The following CRYBG3 variants were observed in gnomAD, a reference collection of about 807,000 sequenced individuals.
CRYBG3 encodes the protein crystallin beta-gamma domain containing 3.
CRYBG3 carries 127 observed loss-of-function variants against 244.2 expected under a neutral mutation model. That is an observed-to-expected ratio of 0.52 (90% CI 0.45 to 0.60). The LOEUF (loss-of-function observed/expected upper bound fraction) is 0.60. CRYBG3 is among the 20% of genes least tolerant of loss of function. The pLI, the probability that CRYBG3 is intolerant of heterozygous loss-of-function variation, is 0.00. For synonymous variants in CRYBG3, 1,132 were observed against 1,195.8 expected, an observed-to-expected ratio of 0.95 and a Z score of 1.10; for missense variants, 3,325 against 3,442.5, an observed-to-expected ratio of 0.97 and a Z score of 0.85.
At position 97,864,478 on chromosome 3, in the gene CRYBG3, A is replaced by C. The variant is rs563754232; in HGVS notation, c.478A>C (p.Ser160Arg). 6.5e-7 allele frequency: 1 copy of C among 1,536,036 alleles called. No homozygotes were observed. Among genetic ancestry groups the C allele is most frequent in the Non-Finnish European group, 8.7e-7 (1 of 1,146,828 alleles). ...DKTEKDLQNP[S>R]DHHEDGIKRE... ...AACTGAGAAGGATTTACAAAATCCC[A>C]GTGACCATCATGAAGACGGGATCAA... Residue 160 changes from serine (S) to arginine (R), a missense_variant, in exon 3 of 22, where the codon AGT becomes CGT. Around this residue, in one of 4 missense-constraint regions of CRYBG3, gnomAD observed 1,526 missense variants for 1,443.2 expected, o/e 1.06. Transcript: ENST00000389622.
intron 1 of CRYBG3, among the ~76,000 whole-genome samples, chr3:97,826,377 C>G (rs573175186): frequency 6.6e-6 from 1 of 152,316 alleles, no homozygotes; most frequent in African/African-American, 2.4e-5. Context: ...ATCAGAACTT[C>G]TAACTTTATT....
rs181506447 is a variant in CRYBG3 at position 97,828,236 on chromosome 3, A to C, written c.149+5881A>C. Among the ~76,000 whole-genome samples, 19 of 152,276 alleles carry C rather than the reference A, an allele frequency of 1.2e-4. No individual in the cohort carries two copies. The East Asian group carries it at 3.5e-3, about 28-fold the overall frequency. On this transcript the variant is annotated intron_variant, in intron 1 of 21. Transcript: ENST00000389622. ...TAAATTGATACACCACTTTGGAGAG[A>C]AATTTGATATGACCTATCAATATTG...
chr3:97,902,501 A>T (rs921819556), intron 15 of CRYBG3, among the ~76,000 whole-genome samples: 150 of 151,826 alleles, frequency 9.9e-4, no homozygotes, highest in Admixed American at 2.8e-3. Context: ...TTCTAAAAAA[A>T]AAAAGCGGGA....
intron 17 of CRYBG3, among the ~76,000 whole-genome samples, chr3:97,928,390 A>C (rs2040062601): frequency 6.6e-6 from 1 of 151,940 alleles, no homozygotes; most frequent in Non-Finnish European, 1.5e-5. Context: ...AACAATAAAC[A>C]CCAGGGCCTG....
chr3:97,929,524 A>G (rs1385077497), intron 17 of CRYBG3, among the ~76,000 whole-genome samples: 1 of 151,986 alleles, frequency 6.6e-6, no homozygotes, highest in Non-Finnish European at 1.5e-5. Context: ...TTATAATTCA[A>G]GTATACTTAT....
chr3:97,899,477 C>T (rs891108734), intron 14 of CRYBG3, among the ~76,000 whole-genome samples: 3 of 152,302 alleles, frequency 2.0e-5, no homozygotes, highest in African/African-American at 7.2e-5. Context: ...AGTTCATTCA[C>T]TTAACAGCAT....
rs897842609 is a variant in CRYBG3 at position 97,931,762 on chromosome 3, T to G, written c.8242-1932T>G. On this transcript the variant is annotated intron_variant, in intron 17 of 21. Transcript: ENST00000389622. ...TTCCATTTGTTTGCCTTAACTAGCATGTCTGTTTTATCACTGTGATATTAA... is the reference window on the plus strand; with the variant it reads ...TTCCATTTGTTTGCCTTAACTAGCAGGTCTGTTTTATCACTGTGATATTAA... 2.0e-5 allele frequency among the ~76,000 whole-genome samples: 3 copies of G among 152,092 alleles called. No individual in the cohort carries two copies. The East Asian group carries it at 5.8e-4, about 29-fold the overall frequency.
Position 97,933,778 on chromosome 3 carries a change from G to C in CRYBG3, c.8326G>C (p.Val2776Leu). The change falls in exon 18 of 22, where the codon GTT becomes CTT. Residue 2776 changes from valine to leucine, a missense_variant. Coordinates refer to ENST00000389622, the MANE Select transcript of CRYBG3 (RefSeq NM_153605.4). ...ELHLEEAVNS[V>L]LNKDLHFYTQ... Reference sequence around the variant, plus strand: ...ACATCTAGAAGAGGCTGTGAACTCTGTTCTGAACAAGGACCTACACTTCTA... The same window carrying C: ...ACATCTAGAAGAGGCTGTGAACTCTCTTCTGAACAAGGACCTACACTTCTA... The C allele has an allele frequency of 6.2e-7, 1 of 1,612,822 alleles. No homozygotes were observed. Among genetic ancestry groups the C allele is most frequent in the East Asian group, 2.2e-5 (1 of 44,836 alleles).
Position 97,933,816 on chromosome 3 carries a change from G to A in CRYBG3, c.8364G>A (p.Val2788=), listed in dbSNP as rs1295029219. 2 of 1,612,274 alleles carry A rather than the reference G, an allele frequency of 1.2e-6. No homozygotes were observed. Among genetic ancestry groups the A allele is most frequent in the South Asian group, 2.2e-5 (2 of 90,978 alleles). Residue 2788 remains valine, a synonymous_variant, in exon 18 of 22, where the codon GTG becomes GTA. Transcript: ENST00000389622. The part of the protein sequence containing the change: ...NKDLHFYTQS[V]WVKSGLWIAY... ...ACCTACACTTCTACACCCAGTCTGTGTGGGTAAAAAGTGGACTGTAAGTAT... is the reference window on the plus strand; with the variant it reads ...ACCTACACTTCTACACCCAGTCTGTATGGGTAAAAAGTGGACTGTAAGTAT...
At chr3:97,915,497 G>A (rs2039918538) in intron 16 of CRYBG3, 113 bp from the exon 17 acceptor site, 1 of 1,078,470 alleles carries the variant, frequency 9.3e-7, no homozygotes, top group South Asian at 2.0e-5. Flanking sequence ...GTGTGGTGGT[G>A]CTCTGCACCA....
chr3:97,830,458 C>T (rs1348432426), intron 1 of CRYBG3, among the ~76,000 whole-genome samples: 2 of 151,974 alleles, frequency 1.3e-5, no homozygotes, highest in East Asian at 1.9e-4. Context: ...TTGGACTTCA[C>T]GTATTCCTCT....
At chr3:97,926,841 TC>T (rs1239142473) in intron 17 of CRYBG3, among the ~76,000 whole-genome samples, 1 of 151,850 alleles carries the variant, frequency 6.6e-6, no homozygotes, top group African/African-American at 2.4e-5. Flanking sequence ...GAATAAAATA[TC>T]TAGATATACA....
intron 17 of CRYBG3, among the ~76,000 whole-genome samples, chr3:97,929,080 A>G (rs1374141304): frequency 4.6e-5 from 7 of 151,964 alleles, no homozygotes; most frequent in Admixed American, 3.3e-4. Flanking sequence ...TTGGTCGAGT[A>G]TTCTTTTTCT....
intron 2 of CRYBG3, among the ~76,000 whole-genome samples, chr3:97,850,424 G>A (rs1417663285): frequency 2.6e-5 from 4 of 152,050 alleles, no homozygotes; most frequent in East Asian, 3.9e-4. Context: ...AAAGTAACAC[G>A]CCAGATATAA....
At chr3:97,917,387 G>T (rs2039939693) in intron 17 of CRYBG3, among the ~76,000 whole-genome samples, 1 of 152,140 alleles carries the variant, frequency 6.6e-6, no homozygotes, top group Non-Finnish European at 1.5e-5. Context: ...TTCACTTCAA[G>T]AATTGGTTAA....
rs777812330 is a variant in CRYBG3, at chr3:97,899,051, G to C, written c.7844+26G>C. The stretch of plus-strand genomic sequence containing the variant: ...GTAAGTTGCCTCCTCTAAGAACCTT[G>C]AGAGTCTTTGGTGTTTAAGATTGTT... On this transcript the variant is annotated intron_variant, in intron 13 of 21. Coordinates refer to ENST00000389622, the MANE Select transcript of CRYBG3 (RefSeq NM_153605.4). The C allele has an allele frequency of 4.4e-6, 7 of 1,603,930 alleles. No homozygotes were observed. The African/African-American group carries it at 6.7e-5, about 15-fold the overall frequency.
At chr3:97,826,301 A>G (rs1171095949) in intron 1 of CRYBG3, among the ~76,000 whole-genome samples, 1 of 152,202 alleles carries the variant, frequency 6.6e-6, no homozygotes, top group East Asian at 1.9e-4. Flanking sequence ...AATGGACTCA[A>G]TTGTATGCTC....
intron 1 of CRYBG3, among the ~76,000 whole-genome samples, chr3:97,831,174 A>T (rs563358927): frequency 9.2e-5 from 14 of 152,242 alleles, no homozygotes; most frequent in African/African-American, 3.4e-4. Context: ...GGGAATAGTA[A>T]ATACTTTTTA....
At position 97,873,810 on chromosome 3, in the gene CRYBG3, G is replaced by A. The variant is rs1302864546; in HGVS notation, c.2616G>A (p.Leu872=). Residue 872 remains leucine (L), a synonymous_variant, in exon 4 of 22, where the codon TTG becomes TTA. Coordinates refer to ENST00000389622, the MANE Select transcript of CRYBG3 (RefSeq NM_153605.4). ...KITHVPEKPI[L]SELTFLEVEQ... is the part of the protein sequence containing the mutation. ...CCCATGTTCCAGAAAAGCCTATTTT[G>A]TCAGAATTAACCTTTCTAGAAGTTG... 1 of 1,532,748 alleles carries A rather than the reference G, an allele frequency of 6.5e-7. No homozygotes were observed. Among genetic ancestry groups the A allele is most frequent in the Non-Finnish European group, 8.7e-7 (1 of 1,145,906 alleles). The allele number at this position is 1,532,748 out of a possible 1,614,324, so 94.9% of individuals were successfully genotyped here.
Sources: allele counts gnomAD v4.1 joint callset (sites outside exome capture counted in the v4.1 genomes callset), GRCh38; gene constraint gnomAD v4.1.1; regional missense constraint gnomAD v4.1.1; transcripts MANE v1.5; gene names NCBI Gene and HGNC (gene_info 2026-07-23, HGNC 2026-07-21).